CLDN10: variants seen among roughly 807,000 people sequenced by gnomAD.
CLDN10 encodes claudin-10.
In CLDN10, 15 loss-of-function variants were observed where a neutral mutation model predicts 22.9. The observed-to-expected ratio is 0.65, with a 90% confidence interval of 0.44 to 1.01. CLDN10 has a LOEUF of 1.01. Among genes scored for constraint, CLDN10 ranks in the 50% least tolerant of loss-of-function variants. CLDN10 has a pLI of 0.00. For synonymous variants in CLDN10, 114 were observed against 111.4 expected, an observed-to-expected ratio of 1.02 and a Z score of -0.15; for missense variants, 247 against 287.8, an observed-to-expected ratio of 0.86 and a Z score of 1.03.
intron 1 of CLDN10, among the ~76,000 whole-genome samples, chr13:95,541,142 G>T (rs559147297): frequency 6.6e-6 from 1 of 152,350 alleles, no homozygotes; most frequent in Admixed American, 6.5e-5. Context: ...GCAAACATAG[G>T]CACCGATGCT....
chr13:95,488,950 C>CTTTTTTTT lies in CLDN10; in HGVS notation c.214+54916_214+54923dup, dbSNP rs58919737. On this transcript the variant is annotated intron_variant, in intron 1 of 4. Transcript: ENST00000376873. ...TCAAATCATAGTTCTACTTTTTGTTCTTTTTTTTTTTTTTTTTTTTGAAAC... is the reference window on the plus strand; with the variant it reads ...TCAAATCATAGTTCTACTTTTTGTTCTTTTTTTTTTTTTTTTTTTTTTTTTTTTGAAAC... Among the ~76,000 whole-genome samples, 7 of 110,750 alleles carry CTTTTTTTT rather than the reference C, an allele frequency of 6.3e-5. 1 individual carries two copies. The highest frequency in any genetic ancestry group is 6.9e-5 in the Non-Finnish European group (4 of 58,070). 72.7% of individuals were successfully genotyped at this position (110,750 alleles called of 152,430 possible).
At chr13:95,469,881 T>C (rs1389765960) in intron 1 of CLDN10, among the ~76,000 whole-genome samples, 1 of 152,294 alleles carries the variant, frequency 6.6e-6, no homozygotes, top group East Asian at 1.9e-4. Context: ...AGGTGATAAA[T>C]TGAATATGTA....
intron 1 of CLDN10, among the ~76,000 whole-genome samples, chr13:95,532,792 C>CA (rs57500288): frequency 0.34 from 21,249 of 61,824 alleles, 3,728 homozygotes; most frequent in South Asian, 0.42. Flanking sequence ...CTCAATTCAG[C>CA]AAAAAAAAAA....
chr13:95,537,797 C>T (rs976728768), intron 1 of CLDN10, among the ~76,000 whole-genome samples: 1 of 152,212 alleles, frequency 6.6e-6, no homozygotes, highest in Non-Finnish European at 1.5e-5. Flanking sequence ...GCCATGAACA[C>T]TCACCCACGA....
intron 1 of CLDN10, among the ~76,000 whole-genome samples, chr13:95,553,659 T>C (rs544957942): frequency 1.4e-4 from 21 of 152,210 alleles, no homozygotes; most frequent in Non-Finnish European, 2.9e-4. Flanking sequence ...GGGTAGGGAA[T>C]CTTGGGCCGT....
intron 1 of CLDN10, among the ~76,000 whole-genome samples, chr13:95,537,102 C>T (rs1053122706): frequency 7.2e-5 from 11 of 152,114 alleles, no homozygotes; most frequent in Non-Finnish European, 1.5e-4. Flanking sequence ...TCTGGGTAGC[C>T]ATATCAAATT....
chr13:95,577,042 C>T (rs1027605362), intron 3 of CLDN10, among the ~76,000 whole-genome samples, 189 bp from the exon 4 acceptor site: 1 of 152,176 alleles, frequency 6.6e-6, no homozygotes, highest in Non-Finnish European at 1.5e-5. Context: ...TTGGGATGGT[C>T]TAATGGCTAT....
At chr13:95,569,854 C>T (rs1051226028) in intron 3 of CLDN10, among the ~76,000 whole-genome samples, 7 of 149,906 alleles carry the variant, frequency 4.7e-5, no homozygotes, top group Admixed American at 6.6e-5. Context: ...CTGCAAGCAC[C>T]GCCTCCTGGG....
chr13:95,475,949 C>T (rs184123016), intron 1 of CLDN10, among the ~76,000 whole-genome samples: 1 of 152,106 alleles, frequency 6.6e-6, no homozygotes, highest in East Asian at 1.9e-4. Context: ...GATGCTGCCC[C>T]TGAGCGTGCT....
At position 95,578,309 on chromosome 13, in the gene CLDN10, G is replaced by A. The variant is rs142506879; in HGVS notation, c.*295G>A. The A allele has an allele frequency of 8.3e-5, 17 of 205,142 alleles. No homozygotes were observed. Among genetic ancestry groups the A allele is most frequent in the East Asian group, 2.6e-4 (2 of 7,666 alleles). The allele number at this position is 205,142 out of a possible 1,614,324, so 12.7% of individuals were successfully genotyped here. ...AGTACCAAAGGTTCAAGAAGTATTC[G>A]TACTCTAGCCTTTTTAATCATTCAT... is the stretch of plus-strand genomic sequence containing the variant. On this transcript the variant is annotated 3_prime_UTR_variant, in exon 5 of 5. Coordinates refer to ENST00000299339, the MANE Select transcript of CLDN10 (RefSeq NM_006984.5).
intron 1 of CLDN10, among the ~76,000 whole-genome samples, chr13:95,475,264 G>T (rs1048968938): frequency 2.0e-5 from 3 of 152,184 alleles, no homozygotes; most frequent in Non-Finnish European, 2.9e-5. Context: ...GGGGTCAGGG[G>T]ACATCCCTGT....
intron 1 of CLDN10, among the ~76,000 whole-genome samples, chr13:95,436,966 A>G (rs2042278743): frequency 6.6e-6 from 1 of 152,248 alleles, no homozygotes; most frequent in Admixed American, 6.5e-5. Flanking sequence ...TATATTGTCA[A>G]TTTGAGACAA....
At chr13:95,469,182 G>T (rs2042607389) in intron 1 of CLDN10, among the ~76,000 whole-genome samples, 1 of 147,124 alleles carries the variant, frequency 6.8e-6, no homozygotes, top group Non-Finnish European at 1.5e-5. Context: ...TCTCATGACT[G>T]TAGTTTAAAA....
chr13:95,578,201 G>T lies in CLDN10; in HGVS notation c.*187G>T. The T allele has an allele frequency of 2.5e-6, 1 of 394,402 alleles. No individual in the cohort carries two copies. The highest frequency in any genetic ancestry group is 4.5e-6 in the Non-Finnish European group (1 of 221,230). 24.4% of individuals were successfully genotyped at this position (394,402 alleles called of 1,614,324 possible). On this transcript the variant is annotated 3_prime_UTR_variant, in exon 5 of 5. Transcript: ENST00000299339. ...AGTTATATACTAATCATTTTCTGTT[G>T]TGGCTTTCTATAAAAAATAAACAGT... is the stretch of plus-strand genomic sequence containing the variant.
At chr13:95,524,328 T>C (rs1228727672) in intron 1 of CLDN10, among the ~76,000 whole-genome samples, 1 of 152,244 alleles carries the variant, frequency 6.6e-6, no homozygotes, top group Non-Finnish European at 1.5e-5. Context: ...ATACGTCACA[T>C]AAAATTTACC....
intron 3 of CLDN10, 185 bp downstream of exon 3, chr13:95,560,648 G>A (rs1278034615): frequency 3.4e-6 from 2 of 589,060 alleles, no homozygotes; most frequent in African/African-American, 1.9e-5. Flanking sequence ...CATTTAATTA[G>A]TTTGCTAGTG....
At chr13:95,483,357 AT>A (rs11426926) in intron 1 of CLDN10, among the ~76,000 whole-genome samples, 1 of 151,632 alleles carries the variant, frequency 6.6e-6, no homozygotes, top group Non-Finnish European at 1.5e-5. Context: ...CTCATCTCTA[AT>A]TTTTTTTCTT....
At chr13:95,523,978 G>A (rs902797113) in intron 1 of CLDN10, among the ~76,000 whole-genome samples, 1 of 152,032 alleles carries the variant, frequency 6.6e-6, no homozygotes, top group Non-Finnish European at 1.5e-5. Flanking sequence ...ACTGAATATA[G>A]AATTCTAATT....
At chr13:95,530,146 C>A (rs2043325064) in intron 1 of CLDN10, among the ~76,000 whole-genome samples, 1 of 151,960 alleles carries the variant, frequency 6.6e-6, no homozygotes, top group Admixed American at 6.6e-5. Context: ...CCTCTTGATT[C>A]ACCTAATCAC....
Sources: gnomAD v4.1 joint callset for allele counts (sites outside exome capture counted in the v4.1 genomes callset) on GRCh38, gnomAD v4.1.1 for gene constraint, MANE v1.5 for transcripts, NCBI Gene and HGNC (gene_info 2026-07-23, HGNC 2026-07-21) for gene names.